The following AIF1L variants were observed in gnomAD, a reference collection of about 807,000 sequenced individuals.
The protein encoded by AIF1L is allograft inflammatory factor 1 like.
AIF1L carries 12 observed loss-of-function variants against 20.7 expected under a neutral mutation model. That is an observed-to-expected ratio of 0.58 (90% CI 0.37 to 0.94). AIF1L has a LOEUF of 0.94. Among genes scored for constraint, AIF1L ranks in the 40% least tolerant of loss-of-function variants. The pLI is 0.01. For missense variants in AIF1L, 173 were observed against 185.3 expected (o/e 0.93, Z 0.39); for synonymous variants, 76 against 65.1 (o/e 1.17, Z -0.81).
At chr9:131,112,474 C>G (rs353524) in intron 3 of AIF1L, 137,281 of 152,306 alleles carry the variant, frequency 0.9, 63,637 homozygotes, top group East Asian at 1. Flanking sequence ...ATATTAATAA[C>G]AGCTGGCATT....
At chr9:131,105,498 C>G (rs1030840045) in intron 2 of AIF1L, among the ~76,000 whole-genome samples, 6 of 152,024 alleles carry the variant, frequency 3.9e-5, no homozygotes, top group African/African-American at 7.2e-5. Flanking sequence ...CCAAGTATAG[C>G]TGGGATTACA....
intron 2 of AIF1L, among the ~76,000 whole-genome samples, chr9:131,105,185 G>A (rs1052053114): frequency 4.6e-5 from 7 of 152,114 alleles, no homozygotes; most frequent in Non-Finnish European, 8.8e-5. Flanking sequence ...TGGAGCAGGC[G>A]TGGCAGCCTG....
Position 131,096,604 on chromosome 9 carries a change from G to T in AIF1L, c.-26G>T. 6.7e-7 allele frequency: 1 copy of T among 1,484,566 alleles called. No homozygotes were observed. The highest frequency in any genetic ancestry group is 8.9e-7 in the Non-Finnish European group (1 of 1,125,836). The allele number at this position is 1,484,566 out of a possible 1,614,324, so 92.0% of individuals were successfully genotyped here. A position where few individuals can be genotyped will look rare whatever the true frequency, so the allele number is the denominator to read the frequency against. ...TCCCTCGCCGCGTCCGCGAAGCCTG[G>T]AGCCGGCGGGAGCCCCGCGCTCGCC... On this transcript the variant is annotated 5_prime_UTR_variant, in exon 1 of 6. Transcript: ENST00000247291.
In AIF1L at chr9:131,099,783, G is replaced by A. The variant is rs568668151; in HGVS notation, c.93+2920G>A. Among the ~76,000 whole-genome samples, 16 of 147,462 alleles carry A rather than the reference G, an allele frequency of 1.1e-4. No individual in the cohort carries two copies. In the South Asian group the frequency reaches 3.4e-3, roughly 32 times the overall value. On this transcript the variant is annotated intron_variant, in intron 2 of 5. Transcript: ENST00000247291. Reference sequence around the variant, plus strand: ...TCTCTGTCACCCAGGCTGGAGTGCAGTGGCGTGATCTCAGTTCACTGCAAC... The same window carrying A: ...TCTCTGTCACCCAGGCTGGAGTGCAATGGCGTGATCTCAGTTCACTGCAAC...
intron 4 of AIF1L, among the ~76,000 whole-genome samples, chr9:131,115,656 T>G (rs986623059): frequency 6.6e-6 from 1 of 150,908 alleles, no homozygotes; most frequent in Non-Finnish European, 1.5e-5. Context: ...TTTAGAATAT[T>G]TTGATCATTT....
At chr9:131,114,480 C>T in intron 3 of AIF1L, 97 bp from the exon 4 acceptor site, 3 of 1,419,592 alleles carry the variant, frequency 2.1e-6, no homozygotes, top group Admixed American at 3.4e-5. Flanking sequence ...GTTCAGACTC[C>T]TGAGGACACG....
chr9:131,112,060 C>T (rs186289160), intron 3 of AIF1L: 147 of 197,256 alleles, frequency 7.5e-4, no homozygotes, highest in African/African-American at 3.1e-3. Context: ...GGAGCCCCTG[C>T]GGAGAATGGA....
chr9:131,115,170 C>A lies in AIF1L; in HGVS notation c.202+552C>A, dbSNP rs1588111506. ...GCAAGACTCAGAAAGGTGAAATGGG[C>A]CGGGCGCCATGGCTCAAGCCTGTAA... is the stretch of plus-strand genomic sequence containing the variant. On this transcript the variant is annotated intron_variant, in intron 4 of 5. Coordinates refer to ENST00000247291, the MANE Select transcript of AIF1L (RefSeq NM_031426.4). Among the ~76,000 whole-genome samples, 3 of 152,144 alleles carry A rather than the reference C, an allele frequency of 2.0e-5. No individual in the cohort carries two copies. The East Asian group carries it at 5.8e-4, about 29-fold the overall frequency.
intron 2 of AIF1L, among the ~76,000 whole-genome samples, chr9:131,098,443 G>T (rs1830570452): frequency 6.6e-6 from 1 of 152,164 alleles, no homozygotes; most frequent in Non-Finnish European, 1.5e-5. Context: ...TGGACAGAAG[G>T]CTGGAACCCC....
intron 2 of AIF1L, among the ~76,000 whole-genome samples, chr9:131,101,599 C>T (rs954299507): frequency 1.3e-5 from 2 of 152,056 alleles, no homozygotes; most frequent in Non-Finnish European, 2.9e-5. Context: ...CCCACCTTGG[C>T]CTCCCAGAGT....
At chr9:131,110,349 T>C (rs1174564008) in intron 2 of AIF1L, among the ~76,000 whole-genome samples, 1 of 152,112 alleles carries the variant, frequency 6.6e-6, no homozygotes, top group Admixed American at 6.5e-5. Context: ...AAAGGACTCA[T>C]TTGAGTCTCT....
chr9:131,107,550 T>C (rs1830779784), intron 2 of AIF1L, among the ~76,000 whole-genome samples: 1 of 152,208 alleles, frequency 6.6e-6, no homozygotes, highest in African/African-American at 2.4e-5. Context: ...GTGAAGGAAA[T>C]GCAGGGTCAC....
Position 131,120,432 on chromosome 9 carries a change from GGTTT to G in AIF1L, c.*117_*120del. The G allele has an allele frequency of 1.1e-6, 1 of 937,832 alleles. No individual in the cohort carries two copies. The highest frequency in any genetic ancestry group is 1.6e-6 in the Non-Finnish European group (1 of 635,334). The allele number at this position is 937,832 out of a possible 1,614,324, so 58.1% of individuals were successfully genotyped here. ...CTCTCTCATTTGTTTGGTCATTGAG[GGTTT>G]GTTTGTGTTTTCATCAATGTCTTTG... On this transcript the variant is annotated 3_prime_UTR_variant, in exon 6 of 6. Coordinates refer to ENST00000247291, the MANE Select transcript of AIF1L (RefSeq NM_031426.4).
intron 2 of AIF1L, chr9:131,103,030 A>G (rs534736048): frequency 2.2e-6 from 1 of 455,880 alleles, no homozygotes; most frequent in East Asian, 6.9e-5. Context: ...AGGAGCAGGC[A>G]GGTGGGAGGG....
At chr9:131,106,003 G>C (rs1436182193) in intron 2 of AIF1L, among the ~76,000 whole-genome samples, 1 of 152,024 alleles carries the variant, frequency 6.6e-6, no homozygotes, top group East Asian at 1.9e-4. Flanking sequence ...ATTTTTTGTA[G>C]AGATGGGATC....
chr9:131,122,336 T>C lies in AIF1L; in HGVS notation c.*2014T>C, dbSNP rs1180784215. 6.6e-6 allele frequency: 1 copy of C among 152,606 alleles called. No individual in the cohort carries two copies. The highest frequency in any genetic ancestry group is 1.9e-4 in the East Asian group (1 of 5,192). The allele number at this position is 152,606 out of a possible 1,614,324, so 9.5% of individuals were successfully genotyped here. ...TCAACCAGTTCAGGAATGAGGTTAT[T>C]TGGCCATGACTGGCTGATCTTGAGC... On this transcript the variant is annotated 3_prime_UTR_variant, in exon 6 of 6. Coordinates refer to ENST00000247291, the MANE Select transcript of AIF1L (RefSeq NM_031426.4).
chr9:131,102,147 AAGTGATCCAC>A (rs1304820070), intron 2 of AIF1L, among the ~76,000 whole-genome samples: 1 of 152,088 alleles, frequency 6.6e-6, no homozygotes, highest in Non-Finnish European at 1.5e-5. Flanking sequence ...TCCTGACCTC[AAGTGATCCAC>A]CCGCCTTGGC....
intron 4 of AIF1L, among the ~76,000 whole-genome samples, chr9:131,116,630 C>G (rs149892448): frequency 1.2e-3 from 181 of 152,276 alleles, no homozygotes; most frequent in African/African-American, 4.3e-3. Flanking sequence ...TTAGCCGATG[C>G]CTTTGTGTGG....
intron 3 of AIF1L, 87 bp from the exon 4 acceptor site, chr9:131,114,490 G>A (rs927895717): frequency 1.4e-5 from 21 of 1,475,996 alleles, no homozygotes; most frequent in South Asian, 6.8e-5. Context: ...CTGAGGACAC[G>A]GTCATTTGCC....
Sources: allele counts gnomAD v4.1 joint callset (sites outside exome capture counted in the v4.1 genomes callset), GRCh38; gene constraint gnomAD v4.1.1; transcripts MANE v1.5; gene names NCBI Gene and HGNC (gene_info 2026-07-23, HGNC 2026-07-21).